Variants in CDYL2 observed in about 807,000 individuals in gnomAD.
CDYL2 encodes chromodomain Y-like protein 2.
A neutral mutation model predicts 49.4 loss-of-function variants in CDYL2; 23 were observed. That is an observed-to-expected ratio of 0.47 (90% CI 0.34 to 0.66). The LOEUF is 0.66. Ranked by LOEUF, CDYL2 falls within the 30% of genes least tolerant of loss-of-function variation. The pLI is 0.01. For missense variants in CDYL2, 678 were observed against 656.4 expected, an observed-to-expected ratio of 1.03 and a Z score of -0.36; for synonymous variants, 360 against 268.8, an observed-to-expected ratio of 1.34 and a Z score of -3.32.
At chr16:80,630,443 C>G (rs13336748) in intron 3 of CDYL2, among the ~76,000 whole-genome samples, 1 of 152,084 alleles carries the variant, frequency 6.6e-6, no homozygotes, top group African/African-American at 2.4e-5. Context: ...TTTTAGAGCA[C>G]GCTTTTAGAA....
chr16:80,762,012 C>A (rs1597120759), intron 1 of CDYL2, among the ~76,000 whole-genome samples: 1 of 151,476 alleles, frequency 6.6e-6, no homozygotes, highest in Non-Finnish European at 1.5e-5. Flanking sequence ...ATGGCAAAAC[C>A]CCATCTCTAC....
intron 1 of CDYL2, among the ~76,000 whole-genome samples, chr16:80,737,697 G>T (rs1428057868): frequency 6.6e-6 from 1 of 152,162 alleles, no homozygotes; most frequent in Non-Finnish European, 1.5e-5. Flanking sequence ...AGACACAGAT[G>T]GCTGGGCTGC....
In CDYL2 at chr16:80,633,079, T is replaced by C. The variant is rs777337459; in HGVS notation, c.774A>G (p.Glu258=). Residue 258 remains glutamate, a synonymous_variant, in exon 3 of 7, where the codon GAA becomes GAG. Coordinates refer to ENST00000570137, the MANE Select transcript of CDYL2 (RefSeq NM_152342.4). ...RFRDIVVRKE[E]GFTHILLSSQ... The stretch of plus-strand genomic sequence containing the variant: ...TGGACAGCAGGATGTGCGTGAACCC[T>C]TCTTCCTTCCGCACAACGATGTCTC... The C allele has an allele frequency of 3.1e-6, 5 of 1,614,178 alleles. No individual in the cohort carries two copies. The South Asian group carries it at 5.5e-5, about 18-fold the overall frequency.
At chr16:80,753,508 T>C (rs1413303055) in intron 1 of CDYL2, among the ~76,000 whole-genome samples, 1 of 152,088 alleles carries the variant, frequency 6.6e-6, no homozygotes, top group Non-Finnish European at 1.5e-5. Flanking sequence ...CTCAGGAGGC[T>C]GAGGCAGGAG....
intron 1 of CDYL2, among the ~76,000 whole-genome samples, chr16:80,781,540 C>T (rs939187084): frequency 1.3e-5 from 2 of 152,080 alleles, no homozygotes; most frequent in Admixed American, 6.5e-5. Flanking sequence ...TTAGACCTAA[C>T]AGATACATAC....
intron 2 of CDYL2, among the ~76,000 whole-genome samples, chr16:80,645,548 T>C (rs1908301904): frequency 6.6e-6 from 1 of 152,160 alleles, no homozygotes; most frequent in Non-Finnish European, 1.5e-5. Context: ...TACTGTAAAC[T>C]AGTTCAACCA....
chr16:80,736,749 T>A (rs1372618029), intron 1 of CDYL2, among the ~76,000 whole-genome samples: 1 of 152,228 alleles, frequency 6.6e-6, no homozygotes, highest in Non-Finnish European at 1.5e-5. Flanking sequence ...CATCTCTATT[T>A]TTTTAATCAT....
chr16:80,744,172 G>C (rs1791685296), intron 1 of CDYL2, among the ~76,000 whole-genome samples: 1 of 152,228 alleles, frequency 6.6e-6, no homozygotes, highest in African/African-American at 2.4e-5. Context: ...ACTGAGATCA[G>C]ATCAGTGTGA....
chr16:80,634,774 C>A (rs1347186714), intron 2 of CDYL2, among the ~76,000 whole-genome samples: 2 of 151,962 alleles, frequency 1.3e-5, no homozygotes, highest in Non-Finnish European at 2.9e-5. Flanking sequence ...AGGAGAAATA[C>A]ATCATCTCAT....
Position 80,633,503 on chromosome 16 carries a change from C to G in CDYL2, c.617-267G>C, listed in dbSNP as rs1324797428. 2.0e-5 allele frequency among the ~76,000 whole-genome samples: 3 copies of G among 152,192 alleles called. No individual in the cohort carries two copies. In the East Asian group the frequency reaches 5.8e-4, roughly 29 times the overall value. The stretch of plus-strand genomic sequence containing the variant: ...ACTCTCTTCTCCCATATATCAGCTT[C>G]TGCTCAGATTCCTTGGCCACAGGGA... On this transcript the variant is annotated intron_variant, in intron 2 of 6. Coordinates refer to ENST00000570137, the MANE Select transcript of CDYL2 (RefSeq NM_152342.4).
At chr16:80,638,553 C>T (rs562663356) in intron 2 of CDYL2, among the ~76,000 whole-genome samples, 10 of 151,844 alleles carry the variant, frequency 6.6e-5, no homozygotes, top group African/African-American at 2.4e-4. Flanking sequence ...GGAGGACTCA[C>T]ACTACCCAAT....
chr16:80,636,635 A>T (rs1184364496), intron 2 of CDYL2, among the ~76,000 whole-genome samples: 2 of 152,222 alleles, frequency 1.3e-5, no homozygotes, highest in African/African-American at 4.8e-5. Flanking sequence ...CCATTGTGGA[A>T]GACAGTGTGG....
At chr16:80,786,261 T>A (rs1000886054) in intron 1 of CDYL2, among the ~76,000 whole-genome samples, 1 of 151,898 alleles carries the variant, frequency 6.6e-6, no homozygotes, top group African/African-American at 2.4e-5. Context: ...TTAAACAAAT[T>A]TACAAGAAAA....
chr16:80,657,042 A>G (rs547117886), intron 2 of CDYL2, among the ~76,000 whole-genome samples: 1 of 152,206 alleles, frequency 6.6e-6, no homozygotes, highest in East Asian at 1.9e-4. Context: ...AGAGAGAAGG[A>G]ACGAGAAACG....
At chr16:80,709,156 G>T (rs2142509475) in intron 1 of CDYL2, among the ~76,000 whole-genome samples, 1 of 152,250 alleles carries the variant, frequency 6.6e-6, no homozygotes, top group East Asian at 1.9e-4. Context: ...GGCCGAGGTG[G>T]GCAGATCACG....
In CDYL2 at chr16:80,776,643, G is replaced by A. The variant is rs747733442; in HGVS notation, c.24+27507C>T. The stretch of plus-strand genomic sequence containing the variant: ...ATATTTTGTGTATTTATATTTTAAC[G>A]TACATTTGTATATTCTTATAATGAT... On this transcript the variant is annotated intron_variant, in intron 1 of 6. Transcript: ENST00000570137. 6.0e-5 allele frequency among the ~76,000 whole-genome samples: 9 copies of A among 149,668 alleles called. No homozygotes were observed. The East Asian group carries it at 7.8e-4, about 13-fold the overall frequency.
chr16:80,701,441 T>C (rs1452261428), intron 1 of CDYL2, among the ~76,000 whole-genome samples: 2 of 152,212 alleles, frequency 1.3e-5, no homozygotes, highest in African/African-American at 2.4e-5. Flanking sequence ...ATAGTATCTA[T>C]TCCATTTAAA....
rs765367868 is a variant in CDYL2, at chr16:80,612,120, CAT to C, written c.1218+504_1218+505del. 1.3e-4 allele frequency among the ~76,000 whole-genome samples: 20 copies of C among 152,246 alleles called. No individual in the cohort carries two copies. Among genetic ancestry groups the C allele is most frequent in the Non-Finnish European group, 1.9e-4 (13 of 68,040 alleles). On this transcript the variant is annotated intron_variant, in intron 5 of 6. Coordinates refer to ENST00000570137, the MANE Select transcript of CDYL2 (RefSeq NM_152342.4). This position sits in a 1 kb window ranked among gnomAD's most constrained non-coding sequence, Gnocchi z 5.0. ...AGAAGCTGAGTCATGGCCAATACCA[CAT>C]GAGTGGAGGGGAAGACGCCCCTGCC... is the stretch of plus-strand genomic sequence containing the variant.
At chr16:80,739,634 G>A (rs542127619) in intron 1 of CDYL2, among the ~76,000 whole-genome samples, 1 of 152,240 alleles carries the variant, frequency 6.6e-6, no homozygotes, top group African/African-American at 2.4e-5. Flanking sequence ...TCCCAGGAGT[G>A]TGCTGGCATC....
Sources: allele counts gnomAD v4.1 joint callset (sites outside exome capture counted in the v4.1 genomes callset), GRCh38; gene constraint gnomAD v4.1.1; non-coding constraint Gnocchi (gnomAD v3.1); transcripts MANE v1.5; gene names NCBI Gene and HGNC (gene_info 2026-07-23, HGNC 2026-07-21).